The following ATE1 variants were observed in gnomAD, a reference collection of about 807,000 sequenced individuals.
ATE1 encodes arginyl-tRNA--protein transferase 1.
ATE1 carries 36 observed loss-of-function variants against 70.5 expected under a neutral mutation model. The observed-to-expected ratio is 0.51, with a 90% CI of 0.39 to 0.67. The LOEUF is 0.67. ATE1 is among the 30% of genes least tolerant of loss of function. The probability of loss-of-function intolerance (pLI) is 0.00; values close to 1 mark genes in which losing one functional copy is unlikely to be tolerated. For synonymous variants in ATE1, 232 were observed against 219.3 expected (o/e 1.06, Z -0.51); for missense variants, 593 against 629.5 (o/e 0.94, Z 0.62).
chr10:121,778,399 TC>T (rs1564829989), intron 11 of ATE1, among the ~76,000 whole-genome samples: 1 of 152,190 alleles, frequency 6.6e-6, no homozygotes, highest in Admixed American at 6.5e-5. Context: ...TTCTATTTAT[TC>T]TCCATAATGT....
At chr10:121,867,302 T>C (rs1235928213) in intron 8 of ATE1, among the ~76,000 whole-genome samples, 5 of 152,174 alleles carry the variant, frequency 3.3e-5, no homozygotes, top group Non-Finnish European at 5.9e-5. Context: ...CGGTGAGTAG[T>C]AGCCTTAAAT....
At chr10:121,835,281 T>C (rs889733838) in intron 10 of ATE1, among the ~76,000 whole-genome samples, 4 of 152,122 alleles carry the variant, frequency 2.6e-5, no homozygotes, top group Non-Finnish European at 5.9e-5. Flanking sequence ...TTACCTGGAC[T>C]GTCAATGTAA....
At chr10:121,763,030 A>G (rs143098204) in intron 11 of ATE1, among the ~76,000 whole-genome samples, 42 of 152,338 alleles carry the variant, frequency 2.8e-4, no homozygotes, top group African/African-American at 9.1e-4. Context: ...GCAGGATACT[A>G]CAGTGTACAA....
intron 11 of ATE1, among the ~76,000 whole-genome samples, chr10:121,786,852 G>GTA (rs550114071): frequency 9.2e-5 from 14 of 151,978 alleles, no homozygotes; most frequent in African/African-American, 1.4e-4. Context: ...ACAGATATGT[G>GTA]TATATATATA....
intron 10 of ATE1, among the ~76,000 whole-genome samples, chr10:121,803,897 C>T (rs1946992934): frequency 6.6e-6 from 1 of 152,126 alleles, no homozygotes; most frequent in South Asian, 2.1e-4. Context: ...GAAAATTCAT[C>T]ACAAATGACT....
chr10:121,824,740 T>C (rs1947938623), intron 10 of ATE1, among the ~76,000 whole-genome samples: 3 of 152,152 alleles, frequency 2.0e-5, no homozygotes. Flanking sequence ...TCAGTCAAAA[T>C]ACCTTCTTCA....
intron 11 of ATE1, among the ~76,000 whole-genome samples, chr10:121,748,355 T>A (rs1239583615): frequency 1.3e-5 from 2 of 152,188 alleles, no homozygotes; most frequent in African/African-American, 4.8e-5. Flanking sequence ...ATAATTTACA[T>A]CAATTATTTT....
chr10:121,880,382 T>G (rs1015837264), intron 7 of ATE1, among the ~76,000 whole-genome samples: 1 of 152,068 alleles, frequency 6.6e-6, no homozygotes, highest in Non-Finnish European at 1.5e-5. Flanking sequence ...ACATGTCTTA[T>G]TCATCTATGC....
intron 11 of ATE1, among the ~76,000 whole-genome samples, chr10:121,759,723 CAAAA>C (rs869041308): frequency 2.7e-5 from 2 of 72,738 alleles, no homozygotes; most frequent in Non-Finnish European, 5.8e-5. Flanking sequence ...GACTCCGTCT[CAAAA>C]AAAAAAAAAA....
intron 8 of ATE1, among the ~76,000 whole-genome samples, chr10:121,867,917 A>G (rs1197294011): frequency 6.6e-6 from 1 of 152,096 alleles, no homozygotes; most frequent in Non-Finnish European, 1.5e-5. Flanking sequence ...ATTGTTTACA[A>G]TTTTTTACCA....
intron 10 of ATE1, among the ~76,000 whole-genome samples, chr10:121,810,495 A>G (rs982264206): frequency 4.6e-5 from 7 of 151,518 alleles, no homozygotes; most frequent in Admixed American, 3.9e-4. Context: ...TGGTCTCGAT[A>G]CCCTGACCTT....
chr10:121,869,100 A>G (rs1410344422), intron 8 of ATE1, among the ~76,000 whole-genome samples: 1 of 152,232 alleles, frequency 6.6e-6, no homozygotes, highest in Non-Finnish European at 1.5e-5. Context: ...GCCTAAGAGG[A>G]GAACACAAAA....
At chr10:121,858,053 A>G (rs946728547) in intron 8 of ATE1, among the ~76,000 whole-genome samples, 10 of 152,246 alleles carry the variant, frequency 6.6e-5, no homozygotes, top group Middle Eastern at 3.4e-3. Context: ...ATATTCCTTC[A>G]TATCTATGTA....
chr10:121,926,932 A>G, intron 1 of ATE1: 1 of 985,444 alleles, frequency 1.0e-6, no homozygotes, highest in South Asian at 4.7e-5. Flanking sequence ...AGCACTTAAT[A>G]AACACTTTTA....
At chr10:121,797,349 T>A (rs1027501688) in intron 10 of ATE1, among the ~76,000 whole-genome samples, 1 of 152,176 alleles carries the variant, frequency 6.6e-6, no homozygotes, top group African/African-American at 2.4e-5. Flanking sequence ...GTAATTCATA[T>A]ACCATTAAAT....
At chr10:121,904,827 A>C (rs1951129841) in intron 5 of ATE1, among the ~76,000 whole-genome samples, 1 of 152,162 alleles carries the variant, frequency 6.6e-6, no homozygotes, top group African/African-American at 2.4e-5. Context: ...ATCTGATGAG[A>C]AAATAGTGAG....
intron 6 of ATE1, among the ~76,000 whole-genome samples, chr10:121,900,395 C>T (rs563281621): frequency 6.6e-6 from 1 of 152,300 alleles, no homozygotes; most frequent in South Asian, 2.1e-4. Flanking sequence ...GCCACTCATT[C>T]ATCATTGCTA....
intron 7 of ATE1, among the ~76,000 whole-genome samples, chr10:121,888,207 A>C (rs1950465796): frequency 6.6e-6 from 1 of 152,178 alleles, no homozygotes; most frequent in Non-Finnish European, 1.5e-5. Context: ...ATCCTGGCTA[A>C]CACAGTGAAA....
At chr10:121,892,395 T>C (rs1015899170) in intron 7 of ATE1, among the ~76,000 whole-genome samples, 1 of 151,858 alleles carries the variant, frequency 6.6e-6, no homozygotes, top group African/African-American at 2.4e-5. Flanking sequence ...GCAGAAAGAT[T>C]TGGGGGAGAA....
Sources: allele counts gnomAD v4.1 joint callset (sites outside exome capture counted in the v4.1 genomes callset), GRCh38; gene constraint gnomAD v4.1.1; transcripts MANE v1.5; gene names NCBI Gene and HGNC (gene_info 2026-07-23, HGNC 2026-07-21).